The following LMNTD1 variants were observed in gnomAD, a reference collection of about 807,000 sequenced individuals.
LMNTD1 encodes lamin tail domain-containing protein 1.
Under a neutral mutation model 50.9 loss-of-function variants are expected in LMNTD1, and 35 were observed. The observed-to-expected ratio is 0.69, with a 90% CI of 0.53 to 0.91. LMNTD1 has a LOEUF of 0.91. Ranked by LOEUF, LMNTD1 falls within the 40% of genes least tolerant of loss-of-function variation. LMNTD1 has a pLI of 0.00. For missense variants in LMNTD1, 470 were observed against 475.5 expected (o/e 0.99, Z 0.11); for synonymous variants, 153 against 161.9 (o/e 0.94, Z 0.42).
At chr12:25,563,643 G>A (rs1165426094) in intron 1 of LMNTD1, among the ~76,000 whole-genome samples, 1 of 152,204 alleles carries the variant, frequency 6.6e-6, no homozygotes, top group Non-Finnish European at 1.5e-5. Context: ...CAAACTCCAT[G>A]CTGGGAGAAC....
At chr12:25,606,632 G>C (rs368146240) in intron 1 of LMNTD1, among the ~76,000 whole-genome samples, 1 of 152,040 alleles carries the variant, frequency 6.6e-6, no homozygotes, top group Non-Finnish European at 1.5e-5. Context: ...GCTGGATTAC[G>C]TTTATTGATT....
intron 3 of LMNTD1, among the ~76,000 whole-genome samples, chr12:25,548,793 T>A (rs969652702): frequency 1.3e-5 from 2 of 152,022 alleles, no homozygotes; most frequent in Admixed American, 1.3e-4. Flanking sequence ...CTTTACTTTT[T>A]CTGATCATAG....
intron 1 of LMNTD1, among the ~76,000 whole-genome samples, chr12:25,567,720 A>G (rs555126752): frequency 6.6e-6 from 1 of 152,276 alleles, no homozygotes; most frequent in Non-Finnish European, 1.5e-5. Context: ...ACTGTGTGAC[A>G]TGCTGACTCT....
At chr12:25,556,128 A>G (rs1251071019), upstream of LMNTD1, among the ~76,000 whole-genome samples, 1 of 151,940 alleles carries the variant, frequency 6.6e-6, no homozygotes, top group African/African-American at 2.4e-5. Flanking sequence ...ATGTGCCACC[A>G]CGCCCGGCCA....
At chr12:25,562,066 C>T (rs1944353495) in intron 1 of LMNTD1, among the ~76,000 whole-genome samples, 1 of 152,182 alleles carries the variant, frequency 6.6e-6, no homozygotes, top group Admixed American at 6.5e-5. Flanking sequence ...ATACAGCACA[C>T]TGATGGGTCT....
chr12:25,543,570 G>T (rs767293981), intron 4 of LMNTD1, among the ~76,000 whole-genome samples: 3 of 151,206 alleles, frequency 2.0e-5, no homozygotes, highest in Non-Finnish European at 4.4e-5. Context: ...ATATTTTTTG[G>T]TCTCAATTTC....
intron 8 of LMNTD1, among the ~76,000 whole-genome samples, chr12:25,507,153 G>GCTCCT (rs1939856570): frequency 6.6e-6 from 1 of 152,122 alleles, no homozygotes; most frequent in South Asian, 2.1e-4. Context: ...TGGGATTACA[G>GCTCCT]GTGTGAGCTA....
Position 25,520,139 on chromosome 12 carries a change from GATATACATATATATATATAT to G in LMNTD1, c.799-84_799-65del, listed in dbSNP as rs1195269793. 2.0e-3 allele frequency: 306 copies of G among 152,442 alleles called. 60 individuals are homozygous for G. The highest frequency in any genetic ancestry group is 5.4e-3 in the South Asian group (42 of 7,736). The allele number at this position is 152,442 out of a possible 1,614,324, so 9.4% of individuals were successfully genotyped here. A position where few individuals can be genotyped will look rare whatever the true frequency, so the allele number is the denominator to read the frequency against. Reference sequence around the variant, plus strand: ...TGAGGTTTACAACATGCTGTTATGAGATATACATATATATATATATATATATATATATATATAGTAAAATG... The same window carrying G: ...TGAGGTTTACAACATGCTGTTATGAGATATATATATATATATAGTAAAATG... On this transcript the variant is annotated intron_variant, in intron 6 of 9. Coordinates refer to ENST00000458174, the MANE Select transcript of LMNTD1 (RefSeq NM_001145728.2).
chr12:25,648,414 C>T, intron 1 of LMNTD1: 1 of 1,119,620 alleles, frequency 8.9e-7, no homozygotes, highest in Non-Finnish European at 1.3e-6. Flanking sequence ...TCTAAAGTGT[C>T]AGGTGTTAGT....
intron 6 of LMNTD1, among the ~76,000 whole-genome samples, chr12:25,524,745 C>T (rs1941587185): frequency 6.6e-6 from 1 of 152,034 alleles, no homozygotes; most frequent in Non-Finnish European, 1.5e-5. Flanking sequence ...TCATTTTCTC[C>T]ATCAATGAAA....
At chr12:25,489,208 C>T (rs1203013338) in intron 9 of LMNTD1, among the ~76,000 whole-genome samples, 5 of 151,742 alleles carry the variant, frequency 3.3e-5, no homozygotes, top group African/African-American at 7.3e-5. Context: ...TGGGCAATGG[C>T]GGGCGCCCCT....
chr12:25,536,378 T>C (rs980882097), intron 4 of LMNTD1, among the ~76,000 whole-genome samples: 4 of 152,206 alleles, frequency 2.6e-5, no homozygotes, highest in African/African-American at 9.7e-5. Flanking sequence ...AGTATGTTCT[T>C]TGACCACAAT....
chr12:25,580,149 T>C (rs1945219185), intron 1 of LMNTD1, among the ~76,000 whole-genome samples: 1 of 152,166 alleles, frequency 6.6e-6, no homozygotes, highest in African/African-American at 2.4e-5. Context: ...GAATGCCATG[T>C]CCTCTTTTGT....
At chr12:25,521,565 T>C (rs986873370) in intron 6 of LMNTD1, among the ~76,000 whole-genome samples, 4 of 152,218 alleles carry the variant, frequency 2.6e-5, no homozygotes, top group Non-Finnish European at 4.4e-5. Context: ...GGTAAGTTAC[T>C]TTCTAACTTG....
In LMNTD1 at chr12:25,477,195, T is replaced by A. The variant is rs550601590; in HGVS notation, c.*23-735A>T. On this transcript the variant is annotated intron_variant, in intron 9 of 9. Coordinates refer to ENST00000458174, the MANE Select transcript of LMNTD1 (RefSeq NM_001145728.2). ...CATTATTATTATTTTTTAAAAGAAG[T>A]TTGTCAATGAAGAGAGAATAAGATG... Among the ~76,000 whole-genome samples, 23 of 152,274 alleles carry A rather than the reference T, an allele frequency of 1.5e-4. 1 individual carries two copies. The South Asian group carries it at 4.6e-3, about 30-fold the overall frequency.
chr12:25,646,498 T>A (rs1947075478), intron 1 of LMNTD1, among the ~76,000 whole-genome samples: 1 of 152,206 alleles, frequency 6.6e-6, no homozygotes, highest in African/African-American at 2.4e-5. Flanking sequence ...TCATTTTTTT[T>A]TCTCTTGTGC....
intron 9 of LMNTD1, among the ~76,000 whole-genome samples, chr12:25,489,235 T>C (rs189807881): frequency 0.24 from 35,091 of 145,064 alleles, 4,508 homozygotes; most frequent in Middle Eastern, 0.33. Flanking sequence ...GACTCGCTGC[T>C]GCCTTGCAGT....
At chr12:25,560,760 T>C (rs1220916960) in intron 1 of LMNTD1, among the ~76,000 whole-genome samples, 1 of 152,162 alleles carries the variant, frequency 6.6e-6, no homozygotes, top group Non-Finnish European at 1.5e-5. Flanking sequence ...CCCTTATAAG[T>C]TGGATTCCTA....
At chr12:25,498,623 T>G (rs1939203364) in intron 9 of LMNTD1, among the ~76,000 whole-genome samples, 1 of 152,222 alleles carries the variant, frequency 6.6e-6, no homozygotes, top group Non-Finnish European at 1.5e-5. Flanking sequence ...GCACTTCATG[T>G]GAACAAAATA....
Sources: allele counts gnomAD v4.1 joint callset (sites outside exome capture counted in the v4.1 genomes callset), GRCh38; gene constraint gnomAD v4.1.1; transcripts MANE v1.5; gene names NCBI Gene and HGNC (gene_info 2026-07-23, HGNC 2026-07-21).